Variants in PARD3B observed in about 807,000 individuals in gnomAD.
PARD3B encodes partitioning defective 3 homolog B.
A neutral mutation model predicts 130.2 loss-of-function variants in PARD3B; 103 were observed. The observed-to-expected ratio is 0.79, with a 90% CI of 0.67 to 0.93. The LOEUF (loss-of-function observed/expected upper bound fraction) is 0.93. Ranked by LOEUF, PARD3B falls within the 40% of genes least tolerant of loss-of-function variation. The pLI, the probability that PARD3B is intolerant of heterozygous loss-of-function variation, is 0.00. For missense variants in PARD3B, 1,609 were observed against 1,499.2 expected (o/e 1.07, Z -1.21); for synonymous variants, 583 against 553.2 (o/e 1.05, Z -0.76).
At chr2:204,620,754 T>C (rs911671350) in intron 1 of PARD3B, among the ~76,000 whole-genome samples, 2 of 152,184 alleles carry the variant, frequency 1.3e-5, no homozygotes, top group African/African-American at 4.8e-5. Flanking sequence ...CCCAGAATGC[T>C]TGATGGGAAG....
At chr2:204,853,635 C>T (rs976751451) in intron 2 of PARD3B, among the ~76,000 whole-genome samples, 10 of 150,252 alleles carry the variant, frequency 6.7e-5, no homozygotes, top group African/African-American at 1.8e-4. Context: ...GAGTGATGAA[C>T]GAACTTTAGA....
At chr2:204,795,084 G>A (rs921241479) in intron 2 of PARD3B, among the ~76,000 whole-genome samples, 14 of 152,226 alleles carry the variant, frequency 9.2e-5, no homozygotes, top group African/African-American at 1.2e-4. Context: ...AACAATGATC[G>A]GGTTAAATGC....
intron 3 of PARD3B, among the ~76,000 whole-genome samples, chr2:204,999,167 A>G (rs1437929219): frequency 6.6e-6 from 1 of 151,534 alleles, no homozygotes; most frequent in Non-Finnish European, 1.5e-5. Context: ...ATCATCCTAT[A>G]ATTTCCAATT....
intron 4 of PARD3B, among the ~76,000 whole-genome samples, chr2:205,098,371 A>G (rs1702533608): frequency 6.6e-6 from 1 of 152,158 alleles, no homozygotes; most frequent in African/African-American, 2.4e-5. Flanking sequence ...AGGGGGAAAA[A>G]TCATGGCCAT....
At chr2:204,838,349 ATGTGTG>A (rs55688873) in intron 2 of PARD3B, among the ~76,000 whole-genome samples, 4,403 of 135,390 alleles carry the variant, frequency 0.033, 171 homozygotes, top group African/African-American at 0.094. Context: ...TACCTGGCTA[ATGTGTG>A]TGTGTGTGTG....
chr2:205,230,930 G>A lies in PARD3B; in HGVS notation c.2141-14848G>A, dbSNP rs1290662380. 1.3e-5 allele frequency among the ~76,000 whole-genome samples: 2 copies of A among 152,030 alleles called. No homozygotes were observed. Among genetic ancestry groups the A allele is most frequent in the South Asian group, 4.2e-4 (2 of 4,816 alleles). On this transcript the variant is annotated intron_variant, in intron 15 of 22. Coordinates refer to ENST00000406610, the MANE Select transcript of PARD3B (RefSeq NM_001302769.2). The surrounding 1 kb of genome is among the most constrained non-coding windows in gnomAD (Gnocchi z 4.1). ...ACAGGGTGGAAAGCACTGAGTTCCA[G>A]TGCAAAGTCTCCAATCACTATGCTC...
intron 15 of PARD3B, among the ~76,000 whole-genome samples, chr2:205,238,382 G>A (rs2039163941): frequency 6.6e-6 from 1 of 151,912 alleles, no homozygotes; most frequent in Admixed American, 6.6e-5. Flanking sequence ...GAGGCAGGAG[G>A]ATCACTTGAG....
At chr2:205,412,544 C>A (rs1200973648) in intron 19 of PARD3B, among the ~76,000 whole-genome samples, 2 of 152,018 alleles carry the variant, frequency 1.3e-5, no homozygotes, top group African/African-American at 2.4e-5. Flanking sequence ...CAAAGTCATT[C>A]CTCTCTCTCA....
intron 1 of PARD3B, among the ~76,000 whole-genome samples, chr2:204,634,689 G>C (rs1264170704): frequency 6.6e-6 from 1 of 151,964 alleles, no homozygotes; most frequent in Non-Finnish European, 1.5e-5. Flanking sequence ...TTGATATTTA[G>C]ATCTAGAAAC....
intron 2 of PARD3B, among the ~76,000 whole-genome samples, chr2:204,718,343 T>G (rs937324335): frequency 5.3e-5 from 8 of 152,108 alleles, no homozygotes; most frequent in Non-Finnish European, 4.4e-5. Flanking sequence ...TTTAATTCAC[T>G]CACAGTTCTG....
intron 11 of PARD3B, among the ~76,000 whole-genome samples, chr2:205,159,997 G>A (rs1435468105): frequency 1.3e-5 from 2 of 152,142 alleles, no homozygotes; most frequent in Non-Finnish European, 2.9e-5. Context: ...AAGCCAAGAA[G>A]GCCCCGTTAC....
intron 2 of PARD3B, among the ~76,000 whole-genome samples, chr2:204,737,225 A>T (rs2039798391): frequency 6.6e-6 from 1 of 152,312 alleles, no homozygotes; most frequent in South Asian, 2.1e-4. Context: ...GGGCCTCCCA[A>T]AGTGCTGGGA....
chr2:204,871,900 T>C (rs1420109174), intron 2 of PARD3B, among the ~76,000 whole-genome samples: 1 of 152,098 alleles, frequency 6.6e-6, no homozygotes, highest in Non-Finnish European at 1.5e-5. Context: ...TGTCCCTTTA[T>C]TCTTAAAGAC....
At chr2:204,854,665 C>T (rs969844491) in intron 2 of PARD3B, among the ~76,000 whole-genome samples, 4 of 152,216 alleles carry the variant, frequency 2.6e-5, no homozygotes, top group Admixed American at 1.3e-4. Flanking sequence ...TTGACCTCCT[C>T]GGGACATGAG....
chr2:204,780,721 G>A (rs2041805868), intron 2 of PARD3B, among the ~76,000 whole-genome samples: 1 of 152,100 alleles, frequency 6.6e-6, no homozygotes, highest in African/African-American at 2.4e-5. Flanking sequence ...AGACGCATTT[G>A]GGGGCATATA....
At chr2:204,978,012 T>A (rs1178260247) in intron 3 of PARD3B, among the ~76,000 whole-genome samples, 1 of 151,968 alleles carries the variant, frequency 6.6e-6, no homozygotes, top group African/African-American at 2.4e-5. Context: ...ACAGAACAGA[T>A]AAACACCCCA....
intron 15 of PARD3B, among the ~76,000 whole-genome samples, chr2:205,209,944 G>T (rs1461952705): frequency 6.6e-6 from 1 of 152,000 alleles, no homozygotes; most frequent in Non-Finnish European, 1.5e-5. Flanking sequence ...ATGTTTAAGG[G>T]GATGATACCC....
chr2:204,885,666 A>C (rs1171746218), intron 2 of PARD3B, among the ~76,000 whole-genome samples: 2 of 152,230 alleles, frequency 1.3e-5, no homozygotes, highest in East Asian at 3.8e-4. Context: ...GACTGTTAAA[A>C]AGGACATATA....
In PARD3B at chr2:205,477,875, C is replaced by T. The variant is rs185497068; in HGVS notation, c.3045-22021C>T. 1.6e-3 allele frequency among the ~76,000 whole-genome samples: 237 copies of T among 149,398 alleles called. 1 individual carries two copies. Among genetic ancestry groups the T allele is most frequent in the African/African-American group, 5.8e-3 (224 of 38,862 alleles). On this transcript the variant is annotated intron_variant, in intron 20 of 22. Transcript: ENST00000406610. Reference sequence around the variant, plus strand: ...TTTAGTGAAGTTTCTGAATTTTCTTCTCTAACCTTGGCACAAAGGCCAACA... The same window carrying T: ...TTTAGTGAAGTTTCTGAATTTTCTTTTCTAACCTTGGCACAAAGGCCAACA...
Sources: gnomAD v4.1 joint callset for allele counts (sites outside exome capture counted in the v4.1 genomes callset) on GRCh38, gnomAD v4.1.1 for gene constraint, Gnocchi (gnomAD v3.1) non-coding constraint, MANE v1.5 for transcripts, NCBI Gene and HGNC (gene_info 2026-07-23, HGNC 2026-07-21) for gene names.